Variants in ZNF44 observed in about 807,000 individuals in gnomAD.
The protein encoded by ZNF44 is zinc finger protein 44.
ZNF44 carries 9 observed loss-of-function variants against 11.7 expected under a neutral mutation model. That is an observed-to-expected ratio of 0.77 (90% confidence interval 0.46 to 1.35). ZNF44 has a LOEUF of 1.35. Ranked by LOEUF, ZNF44 falls within the 40% of genes most tolerant of loss-of-function variation. The pLI is 0.00. For missense variants in ZNF44, 696 were observed against 743.1 expected, an observed-to-expected ratio of 0.94 and a Z score of 0.74; for synonymous variants, 224 against 242.7, an observed-to-expected ratio of 0.92 and a Z score of 0.72.
At chr19:12,224,749 G>T (rs747722391), downstream of ZNF44, 7 of 152,240 alleles carry the variant, frequency 4.6e-5, no homozygotes, top group Non-Finnish European at 8.8e-5. Context: ...TGGTCAGTCA[G>T]GAGCACTTTT....
intron 1 of ZNF44, among the ~76,000 whole-genome samples, chr19:12,235,230 G>A (rs1189603934): frequency 6.6e-6 from 1 of 152,112 alleles, no homozygotes; most frequent in Non-Finnish European, 1.5e-5. Flanking sequence ...TTAGCCGGGC[G>A]TGGTAGCAGG....
chr19:12,294,755 C>G lies in ZNF44; in HGVS notation c.-61G>C. 1 of 1,532,890 alleles carries G rather than the reference C, an allele frequency of 6.5e-7. No homozygotes were observed. Among genetic ancestry groups the G allele is most frequent in the Non-Finnish European group, 8.8e-7 (1 of 1,138,530 alleles). 95.0% of individuals were successfully genotyped at this position (1,532,890 alleles called of 1,614,324 possible). ...CCCGTAGTCAGGGTAGGTCCCAGCGCGACAAAAGCCACCACAGATGTCCCA... is the reference window on the plus strand; with the variant it reads ...CCCGTAGTCAGGGTAGGTCCCAGCGGGACAAAAGCCACCACAGATGTCCCA... On this transcript the variant is annotated 5_prime_UTR_variant, in exon 1 of 4. Coordinates refer to ENST00000355684, the MANE Select transcript of ZNF44 (RefSeq NM_016264.4).
downstream of ZNF44, among the ~76,000 whole-genome samples, chr19:12,270,994 GT>G (rs1283079889): frequency 6.6e-6 from 1 of 152,130 alleles, no homozygotes; most frequent in African/African-American, 2.4e-5. Flanking sequence ...TGCAAAGAAA[GT>G]TGGTGGAAAG....
chr19:12,259,638 C>G (rs981804780), intron 5 of ZNF44, among the ~76,000 whole-genome samples: 1 of 151,826 alleles, frequency 6.6e-6, no homozygotes, highest in Admixed American at 6.6e-5. Flanking sequence ...TATTTTTTTT[C>G]CCCACCAGAG....
chr19:12,290,591 T>C (rs1005653512), intron 1 of ZNF44, among the ~76,000 whole-genome samples: 3 of 151,648 alleles, frequency 2.0e-5, no homozygotes, highest in Non-Finnish European at 4.4e-5. Flanking sequence ...TCCCAGCTAC[T>C]GAAGAGGCTG....
chr19:12,277,278 T>C (rs575674159), intron 1 of ZNF44, among the ~76,000 whole-genome samples: 14 of 152,264 alleles, frequency 9.2e-5, no homozygotes, highest in African/African-American at 3.4e-4. Context: ...TAGTTAAGTA[T>C]GACAAAAGAC....
chr19:12,239,597 A>C (rs55797257), upstream of ZNF44, among the ~76,000 whole-genome samples: 20,359 of 113,704 alleles, frequency 0.18, 1,999 homozygotes, highest in African/African-American at 0.29. Flanking sequence ...TTTTTTTGAG[A>C]TAGAGTCTAA....
At position 12,249,272 on chromosome 19, in the gene ZNF44, G is replaced by A. The variant is rs180709664; in HGVS notation, c.*187-594C>T. On this transcript the variant is annotated intron_variant and NMD_transcript_variant, in intron 7 of 7. Coordinates refer to the ZNF44 transcript ENST00000393337. ...TGTAATCCCAGCACTTTGGGAGGCC[G>A]AGGCGGGCGGATCACAAGGTCAGGA... Among the ~76,000 whole-genome samples the A allele has an allele frequency of 9.9e-3, 1,505 of 151,466 alleles. 21 individuals carry two copies. The highest frequency in any genetic ancestry group is 0.034 in the African/African-American group (1,428 of 41,436).
intron 1 of ZNF44, among the ~76,000 whole-genome samples, chr19:12,236,642 A>T (rs773516231): frequency 2.6e-5 from 4 of 152,204 alleles, no homozygotes; most frequent in Non-Finnish European, 5.9e-5. Flanking sequence ...TATCAGATGA[A>T]GCGAAGGTAG....
upstream of ZNF44, among the ~76,000 whole-genome samples, chr19:12,238,966 G>A (rs956626552): frequency 6.6e-6 from 1 of 152,184 alleles, no homozygotes; most frequent in African/African-American, 2.4e-5. Context: ...TCCCCTCAGT[G>A]TGGAAATGCT....
chr19:12,246,755 G>A (rs965176541), downstream of ZNF44, among the ~76,000 whole-genome samples: 7 of 152,000 alleles, frequency 4.6e-5, no homozygotes, highest in Admixed American at 6.6e-5. Context: ...GCCAGGCAAC[G>A]CAGCACACAT....
intron 1 of ZNF44, among the ~76,000 whole-genome samples, chr19:12,280,302 T>C (rs1182465319): frequency 4.6e-5 from 7 of 152,136 alleles, no homozygotes; most frequent in African/African-American, 1.7e-4. Context: ...ATGTTATATG[T>C]GATGGGAGGA....
chr19:12,269,787 T>A (rs1966896509), downstream of ZNF44, among the ~76,000 whole-genome samples: 1 of 152,210 alleles, frequency 6.6e-6, no homozygotes, highest in African/African-American at 2.4e-5. Context: ...CAATGAGCAC[T>A]GGGATGAGGA....
At chr19:12,293,344 G>C (rs765838211) in intron 1 of ZNF44, 2 of 1,536,798 alleles carry the variant, frequency 1.3e-6, no homozygotes, top group South Asian at 1.2e-5. Flanking sequence ...CAGCATCTTA[G>C]GGTAGCCCCA....
intron 2 of ZNF44, chr19:12,234,664 C>T (rs539518026): frequency 2.0e-4 from 31 of 152,330 alleles, no homozygotes; most frequent in African/African-American, 7.5e-4. Context: ...ATAGTATCCT[C>T]ACCTATAGAA....
intron 1 of ZNF44, among the ~76,000 whole-genome samples, chr19:12,277,595 C>T (rs1967284928): frequency 1.3e-5 from 2 of 152,152 alleles, no homozygotes; most frequent in Admixed American, 6.5e-5. Context: ...TTTTTCACAT[C>T]CCATACTATT....
chr19:12,257,295 ATAG>A (rs1425772898), intron 5 of ZNF44, among the ~76,000 whole-genome samples: 1 of 152,170 alleles, frequency 6.6e-6, no homozygotes, highest in Non-Finnish European at 1.5e-5. Flanking sequence ...TAGGGGCTCA[ATAG>A]GTTGGGATTA....
At chr19:12,239,629 G>A (rs1252877652), upstream of ZNF44, among the ~76,000 whole-genome samples, 1 of 140,174 alleles carries the variant, frequency 7.1e-6, no homozygotes, top group Non-Finnish European at 1.5e-5. Context: ...AGGCTGGAGT[G>A]CAGTGGCGTG....
chr19:12,282,906 T>G (rs1967547101), intron 1 of ZNF44, among the ~76,000 whole-genome samples: 1 of 152,220 alleles, frequency 6.6e-6, no homozygotes, highest in Non-Finnish European at 1.5e-5. Context: ...TTAGAACATT[T>G]TAGCCTGTCA....
Sources: gnomAD v4.1 joint callset for allele counts (sites outside exome capture counted in the v4.1 genomes callset) on GRCh38, gnomAD v4.1.1 for gene constraint, MANE v1.5 for transcripts, NCBI Gene and HGNC (gene_info 2026-07-23, HGNC 2026-07-21) for gene names.